Variants in PIK3C2G observed in about 807,000 individuals in gnomAD.
The protein encoded by PIK3C2G is phosphatidylinositol-4-phosphate 3-kinase catalytic subunit type 2 gamma, also known as phosphatidylinositol 3-kinase C2 domain-containing subunit gamma.
A neutral mutation model predicts 181.1 loss-of-function variants in PIK3C2G; 168 were observed. The observed-to-expected ratio is 0.93, with a 90% CI of 0.82 to 1.05. The LOEUF is 1.05. PIK3C2G is among the 50% of genes least tolerant of loss of function. PIK3C2G has a pLI of 0.00. For synonymous variants in PIK3C2G, 573 were observed against 592.2 expected (o/e 0.97, Z 0.47); for missense variants, 1,869 against 1,732.8 (o/e 1.08, Z -1.40).
At chr12:18,362,197 C>G (rs777875554) in intron 11 of PIK3C2G, among the ~76,000 whole-genome samples, 3 of 152,078 alleles carry the variant, frequency 2.0e-5, no homozygotes, top group Non-Finnish European at 4.4e-5. Context: ...ATAGCAAGTA[C>G]GTGCTAGTAA....
At chr12:18,543,632 T>C (rs1735013955) in intron 25 of PIK3C2G, among the ~76,000 whole-genome samples, 1 of 151,984 alleles carries the variant, frequency 6.6e-6, no homozygotes, top group Non-Finnish European at 1.5e-5. Context: ...CCCAACAGCA[T>C]TTGTTGAATA....
Position 18,528,944 on chromosome 12 carries a change from T to C in PIK3C2G, c.3324-9212T>C, listed in dbSNP as rs138915701. On this transcript the variant is annotated intron_variant, in intron 24 of 32. Transcript: ENST00000538779. ...TAATTCTTACAGAAACTCTTTGAGGTAGATACTGTTATTTTCTCTATTTCA... is the reference window on the plus strand; with the variant it reads ...TAATTCTTACAGAAACTCTTTGAGGCAGATACTGTTATTTTCTCTATTTCA... 5.6e-4 allele frequency among the ~76,000 whole-genome samples: 86 copies of C among 152,270 alleles called. No individual in the cohort carries two copies. The East Asian group carries it at 9.8e-3, about 17-fold the overall frequency.
chr12:18,488,338 C>A (rs1940246906), intron 18 of PIK3C2G, 111 bp from the exon 19 acceptor site: 1 of 589,510 alleles, frequency 1.7e-6, no homozygotes, highest in Non-Finnish European at 2.6e-6. Context: ...TGTTAAACTG[C>A]CCAAAGCCAC....
intron 1 of PIK3C2G, among the ~76,000 whole-genome samples, chr12:18,264,216 G>T (rs1244402613): frequency 2.0e-5 from 3 of 152,066 alleles, no homozygotes; most frequent in African/African-American, 7.2e-5. Flanking sequence ...AAGTTGGATT[G>T]CTCAACCCCA....
intron 31 of PIK3C2G, among the ~76,000 whole-genome samples, chr12:18,615,375 G>GTGTGTATGTATA (rs1555150547): frequency 6.2e-4 from 56 of 89,614 alleles, no homozygotes; most frequent in Admixed American, 1.1e-3. Flanking sequence ...GTGTGTATGT[G>GTGTGTATGTATA]TATATATATA....
chr12:18,253,046 T>C (rs1246131219), intron 1 of PIK3C2G, among the ~76,000 whole-genome samples: 1 of 152,178 alleles, frequency 6.6e-6, no homozygotes, highest in African/African-American at 2.4e-5. Context: ...GTCTATGCAC[T>C]TTTCAAAACT....
chr12:18,695,901 G>C, the PIK3C2G span, among the ~76,000 whole-genome samples: 1 of 151,784 alleles, frequency 6.6e-6, no homozygotes, highest in East Asian at 1.9e-4. Flanking sequence ...CACTACACAT[G>C]TCTCATATTA....
At chr12:18,500,532 G>A (rs1460878111) in intron 22 of PIK3C2G, among the ~76,000 whole-genome samples, 2 of 152,190 alleles carry the variant, frequency 1.3e-5, no homozygotes, top group South Asian at 2.1e-4. Flanking sequence ...GAGTGTGGGC[G>A]CACGGCGCAG....
chr12:18,369,206 A>C (rs1941856308), intron 12 of PIK3C2G, among the ~76,000 whole-genome samples: 1 of 152,132 alleles, frequency 6.6e-6, no homozygotes, highest in African/African-American at 2.4e-5. Context: ...TTTGCTCTTT[A>C]TCCTTCCCAT....
chr12:18,480,449 CAT>C (rs1939442151), intron 18 of PIK3C2G, among the ~76,000 whole-genome samples: 1 of 152,036 alleles, frequency 6.6e-6, no homozygotes, highest in Admixed American at 6.5e-5. Context: ...AACATGTGAA[CAT>C]ATGTTACGTG....
intron 11 of PIK3C2G, among the ~76,000 whole-genome samples, chr12:18,350,485 T>G (rs1217228680): frequency 6.6e-6 from 1 of 152,186 alleles, no homozygotes; most frequent in Non-Finnish European, 1.5e-5. Flanking sequence ...CAGGGGCAAG[T>G]TGAAATTCTT....
chr12:18,664,639 C>A, the PIK3C2G span, among the ~76,000 whole-genome samples: 1 of 151,966 alleles, frequency 6.6e-6, no homozygotes, highest in Admixed American at 6.6e-5. Context: ...CCATTTGACC[C>A]AGCCATCCCA....
chr12:18,686,195 A>G, the PIK3C2G span, among the ~76,000 whole-genome samples: 6 of 151,722 alleles, frequency 4.0e-5, no homozygotes, highest in Non-Finnish European at 7.4e-5. Flanking sequence ...AACCACTGAA[A>G]TTTTATCCTG....
chr12:18,305,672 A>G (rs1416188614), intron 5 of PIK3C2G, among the ~76,000 whole-genome samples: 1 of 152,116 alleles, frequency 6.6e-6, no homozygotes, highest in East Asian at 1.9e-4. Flanking sequence ...ATTAGCTGAA[A>G]TCACCTTAAT....
chr12:18,694,120 G>T, the PIK3C2G span: 1 of 939,142 alleles, frequency 1.1e-6, no homozygotes, highest in Non-Finnish European at 1.7e-6. Flanking sequence ...CTGCCATCAG[G>T]AAAATGGTTG....
At chr12:18,409,981 T>C (rs1944765208) in intron 16 of PIK3C2G, among the ~76,000 whole-genome samples, 1 of 151,892 alleles carries the variant, frequency 6.6e-6, no homozygotes, top group South Asian at 2.1e-4. Context: ...ACTCTATCAC[T>C]AGAACAGCAC....
intron 5 of PIK3C2G, among the ~76,000 whole-genome samples, chr12:18,295,464 G>A (rs12370162): frequency 0.081 from 12,259 of 152,040 alleles, 546 homozygotes; most frequent in Non-Finnish European, 0.093. Flanking sequence ...AGTAGAAAAT[G>A]CCATCCAGAA....
At chr12:18,619,468 G>C (rs1447231502) in intron 31 of PIK3C2G, among the ~76,000 whole-genome samples, 1 of 152,234 alleles carries the variant, frequency 6.6e-6, no homozygotes, top group East Asian at 1.9e-4. Flanking sequence ...AGGCCAATTT[G>C]AGATGTTTCA....
At chr12:18,303,115 C>CT (rs1950253330) in intron 5 of PIK3C2G, among the ~76,000 whole-genome samples, 5 of 136,598 alleles carry the variant, frequency 3.7e-5, no homozygotes, top group Admixed American at 1.5e-4. Context: ...TCTTTCTTTC[C>CT]TTCTTTCTTT....
Sources: gnomAD v4.1 joint callset for allele counts (sites outside exome capture counted in the v4.1 genomes callset) on GRCh38, gnomAD v4.1.1 for gene constraint, MANE v1.5 for transcripts, NCBI Gene and HGNC (gene_info 2026-07-23, HGNC 2026-07-21) for gene names.